FUT8: variants seen among roughly 807,000 people sequenced by gnomAD.
FUT8 encodes the protein fucosyltransferase 8.
FUT8 carries 29 observed loss-of-function variants against 71.3 expected under a neutral mutation model. That is an observed-to-expected ratio of 0.41 (90% CI 0.30 to 0.55). FUT8 has a LOEUF of 0.55. Ranked by LOEUF, FUT8 falls within the 20% of genes least tolerant of loss-of-function variation. The probability of loss-of-function intolerance (pLI) is 0.34; values close to 1 mark genes in which losing one functional copy is unlikely to be tolerated. For synonymous variants in FUT8, 254 were observed against 239.3 expected (o/e 1.06, Z -0.57); for missense variants, 544 against 702.1 (o/e 0.77, Z 2.55).
intron 3 of FUT8, among the ~76,000 whole-genome samples, chr14:65,593,975 G>T (rs1451748260): frequency 2.0e-5 from 3 of 152,218 alleles, no homozygotes; most frequent in Non-Finnish European, 4.4e-5. Context: ...CTCCCAAAGT[G>T]CTGGGATTAC....
In FUT8 at chr14:65,538,275, C is replaced by T. The variant is rs867430501; in HGVS notation, c.-227-23062C>T. ...TGCTGGGATTCCAGAGGCCTGTGGC[C>T]AGAGTGGGTCGCTCCTTGCCTGTTC... On this transcript the variant is annotated intron_variant, in intron 2 of 10. Coordinates refer to ENST00000673929, the MANE Select transcript of FUT8 (RefSeq NM_001371533.1). Among the ~76,000 whole-genome samples the T allele has an allele frequency of 6.8e-4, 104 of 152,302 alleles. 1 individual carries two copies. The highest frequency in any genetic ancestry group is 3.4e-3 in the Middle Eastern group (1 of 294).
intron 3 of FUT8, among the ~76,000 whole-genome samples, chr14:65,587,561 A>T (rs1287042074): frequency 2.0e-5 from 3 of 152,234 alleles, no homozygotes; most frequent in African/African-American, 7.2e-5. Context: ...ACGTCTGTAT[A>T]GTACCTGTGC....
At chr14:65,680,828 G>T (rs1893000565) in intron 7 of FUT8, among the ~76,000 whole-genome samples, 1 of 152,126 alleles carries the variant, frequency 6.6e-6, no homozygotes, top group African/African-American at 2.4e-5. Flanking sequence ...TTCCATGGCT[G>T]CTTAGTGTAT....
chr14:65,398,322 ATTTG>A, the FUT8 span, among the ~76,000 whole-genome samples: 1 of 152,050 alleles, frequency 6.6e-6, no homozygotes, highest in South Asian at 2.1e-4. Context: ...AATTTTATGT[ATTTG>A]TTTATTTGTT....
intron 10 of FUT8, among the ~76,000 whole-genome samples, chr14:65,739,929 T>C (rs1042811800): frequency 1.3e-5 from 2 of 152,070 alleles, no homozygotes; most frequent in Non-Finnish European, 2.9e-5. Context: ...CATTAGATAA[T>C]GTCTAAAAAC....
At chr14:65,706,789 T>C (rs1452969830) in intron 7 of FUT8, among the ~76,000 whole-genome samples, 1 of 152,042 alleles carries the variant, frequency 6.6e-6, no homozygotes, top group African/African-American at 2.4e-5. Flanking sequence ...CCTTGGGAAG[T>C]AGGGATTTCA....
rs570506833 is a variant in FUT8 at position 65,530,756 on chromosome 14, C to G, written c.-227-30581C>G. Among the ~76,000 whole-genome samples the G allele has an allele frequency of 1.3e-4, 20 of 151,290 alleles. No homozygotes were observed. The South Asian group carries it at 3.0e-3, about 22-fold the overall frequency. ...AGTACTTTAATGCCCTACTGAAGAT[C>G]ACTGCCTGTTTTATGGTGCTCTTGC... On this transcript the variant is annotated intron_variant, in intron 2 of 10. Coordinates refer to ENST00000673929, the MANE Select transcript of FUT8 (RefSeq NM_001371533.1).
chr14:65,418,584 T>A (rs2065251166), intron 1 of FUT8, among the ~76,000 whole-genome samples: 1 of 152,320 alleles, frequency 6.6e-6, no homozygotes, highest in South Asian at 2.1e-4. Context: ...ATTTATAGAT[T>A]CTGTATTGTC....
intron 3 of FUT8, among the ~76,000 whole-genome samples, chr14:65,576,696 CTTTTTTT>C (rs376473739): frequency 1.0e-4 from 10 of 96,190 alleles, no homozygotes; most frequent in East Asian, 7.2e-4. Context: ...GCCCAGCTTG[CTTTTTTT>C]TTTTTTTTTT....
At chr14:65,387,312 C>T in the FUT8 span, among the ~76,000 whole-genome samples, 393 of 152,282 alleles carry the variant, frequency 2.6e-3, no homozygotes, top group African/African-American at 8.8e-3. Flanking sequence ...GAATCCTCAA[C>T]CTGATGCTCC....
chr14:65,433,037 C>G (rs537537086), intron 1 of FUT8, among the ~76,000 whole-genome samples: 105 of 152,284 alleles, frequency 6.9e-4, no homozygotes, highest in Non-Finnish European at 1.4e-3. Flanking sequence ...ATTAGGACCC[C>G]TTTCCTGTAA....
chr14:65,359,095 T>A, the FUT8 span, among the ~76,000 whole-genome samples: 1 of 152,226 alleles, frequency 6.6e-6, no homozygotes, highest in African/African-American at 2.4e-5. Flanking sequence ...AACCAATCTT[T>A]TCTTTTTTAG....
intron 7 of FUT8, among the ~76,000 whole-genome samples, chr14:65,675,243 C>T (rs748443160): frequency 2.6e-5 from 4 of 152,192 alleles, no homozygotes; most frequent in Non-Finnish European, 4.4e-5. Flanking sequence ...TACACTCTTA[C>T]AATTACAGAT....
intron 6 of FUT8, among the ~76,000 whole-genome samples, chr14:65,651,307 TAC>T (rs1287223426): frequency 7.2e-5 from 11 of 152,256 alleles, no homozygotes; most frequent in African/African-American, 2.7e-4. Context: ...TGCTGTGTTA[TAC>T]CACCCAGGTT....
At chr14:65,654,230 A>AATC (rs1011384016) in intron 6 of FUT8, among the ~76,000 whole-genome samples, 7 of 152,232 alleles carry the variant, frequency 4.6e-5, no homozygotes, top group African/African-American at 1.7e-4. Flanking sequence ...TTCAAATGGC[A>AATC]AAATGTTGAG....
At chr14:65,736,583 AG>A (rs1896228569) in intron 10 of FUT8, among the ~76,000 whole-genome samples, 1 of 152,044 alleles carries the variant, frequency 6.6e-6, no homozygotes, top group Non-Finnish European at 1.5e-5. Context: ...CAGAAACAAA[AG>A]TTCTTCATTC....
Position 65,558,221 on chromosome 14 carries a change from A to C in FUT8, c.-227-3116A>C, listed in dbSNP as rs151113168. Among the ~76,000 whole-genome samples the C allele has an allele frequency of 4.4e-3, 658 of 151,052 alleles. 3 individuals carry two copies. The highest frequency in any genetic ancestry group is 0.015 in the African/African-American group (631 of 41,150). ...ACAGCAGACACCTGTAGTCTCAGCTACTCGGGAGGCTGAGACAAGAGAATC... is the reference window on the plus strand; with the variant it reads ...ACAGCAGACACCTGTAGTCTCAGCTCCTCGGGAGGCTGAGACAAGAGAATC... On this transcript the variant is annotated intron_variant, in intron 2 of 10. Transcript: ENST00000673929.
chr14:65,716,264 G>T (rs529303070), intron 7 of FUT8, among the ~76,000 whole-genome samples: 2 of 152,124 alleles, frequency 1.3e-5, no homozygotes, highest in South Asian at 2.1e-4. Flanking sequence ...TCTCTCGTTA[G>T]CTGTAATATT....
intron 3 of FUT8, among the ~76,000 whole-genome samples, chr14:65,569,369 G>T (rs1026350911): frequency 7.3e-5 from 11 of 151,132 alleles, no homozygotes; most frequent in African/African-American, 2.7e-4. Flanking sequence ...TTATTTTTAT[G>T]GTATCTCACA....
Sources: gnomAD v4.1 joint callset for allele counts (sites outside exome capture counted in the v4.1 genomes callset) on GRCh38, gnomAD v4.1.1 for gene constraint, MANE v1.5 for transcripts, NCBI Gene and HGNC (gene_info 2026-07-23, HGNC 2026-07-21) for gene names.